MAP4: variants seen among roughly 807,000 people sequenced by gnomAD.
The protein encoded by MAP4 is microtubule-associated protein 4.
Under a neutral mutation model 170.2 loss-of-function variants are expected in MAP4, and 76 were observed. That is an observed-to-expected ratio of 0.45 (90% CI 0.37 to 0.54). The LOEUF is 0.54. MAP4 is among the 20% of genes least tolerant of loss of function. The pLI, the probability that MAP4 is intolerant of heterozygous loss-of-function variation, is 0.00. For missense variants in MAP4, 2,506 were observed against 2,748.0 expected, an observed-to-expected ratio of 0.91 and a Z score of 1.97; for synonymous variants, 909 against 994.5, an observed-to-expected ratio of 0.91 and a Z score of 1.62.
chr3:47,992,061 T>A (rs1290203850), intron 2 of MAP4, among the ~76,000 whole-genome samples: 2 of 152,122 alleles, frequency 1.3e-5, no homozygotes, highest in Non-Finnish European at 2.9e-5. Context: ...TAAAGTTAGA[T>A]GTATAATAAA....
chr3:47,964,975 GA>G (rs1226448149), intron 3 of MAP4, among the ~76,000 whole-genome samples: 1 of 152,096 alleles, frequency 6.6e-6, no homozygotes, highest in African/African-American at 2.4e-5. Flanking sequence ...TTGCAAATCA[GA>G]AACTTTGTAC....
chr3:47,878,994 G>C (rs1167114343), intron 10 of MAP4, among the ~76,000 whole-genome samples: 1 of 152,188 alleles, frequency 6.6e-6, no homozygotes. Context: ...TACAAGGACA[G>C]ATAAATTCTA....
chr3:48,007,465 C>T (rs529564945), intron 1 of MAP4, among the ~76,000 whole-genome samples: 51 of 152,280 alleles, frequency 3.3e-4, no homozygotes, highest in African/African-American at 1.2e-3. Flanking sequence ...GGGTCCAGAA[C>T]AGGAGAAGGC....
chr3:47,913,957 C>T (rs2100037252), intron 8 of MAP4, among the ~76,000 whole-genome samples: 3 of 151,760 alleles, frequency 2.0e-5, no homozygotes, highest in African/African-American at 4.8e-5. Context: ...TAGAGCAGTA[C>T]CTCTCAAAGT....
rs1339932223 is a variant in MAP4, at chr3:47,851,825, C to T, written c.*1109G>A. On this transcript the variant is annotated 3_prime_UTR_variant, in exon 21 of 21. Coordinates refer to ENST00000683076, the MANE Select transcript of MAP4 (RefSeq NM_001385682.1). ...ACTATCTGCATGAGGCTCCCTTGGA[C>T]ATGAGGGCTTACATGTCCTAGGGTG... The T allele has an allele frequency of 6.6e-6, 1 of 152,200 alleles. No individual in the cohort carries two copies. Among genetic ancestry groups the T allele is most frequent in the Non-Finnish European group, 1.5e-5 (1 of 68,052 alleles). 9.4% of individuals were successfully genotyped at this position (152,200 alleles called of 1,614,324 possible). A position where few individuals can be genotyped will look rare whatever the true frequency, so the allele number is the denominator to read the frequency against.
intron 3 of MAP4, among the ~76,000 whole-genome samples, chr3:47,972,266 C>G (rs1029838936): frequency 1.3e-5 from 2 of 152,202 alleles, no homozygotes; most frequent in African/African-American, 4.8e-5. Flanking sequence ...CCAGATACTG[C>G]ATACTGGGTT....
At chr3:47,885,109 C>T (rs1478041001) in intron 10 of MAP4, among the ~76,000 whole-genome samples, 1 of 152,070 alleles carries the variant, frequency 6.6e-6, no homozygotes, top group Non-Finnish European at 1.5e-5. Flanking sequence ...GTTTTTTTGG[C>T]AATAGAGAAC....
intron 17 of MAP4, among the ~76,000 whole-genome samples, chr3:47,859,810 T>G (rs1281238295): frequency 1.3e-5 from 2 of 152,240 alleles, no homozygotes; most frequent in Non-Finnish European, 2.9e-5. Context: ...CAATCTATAG[T>G]TCATTATACA....
At chr3:47,891,717 T>A in intron 10 of MAP4, 1 of 1,536,680 alleles carries the variant, frequency 6.5e-7, no homozygotes, top group Non-Finnish European at 8.7e-7. Flanking sequence ...TGTTCCTGGG[T>A]GAACACCATA....
chr3:47,950,782 G>C (rs2100063212), intron 3 of MAP4, among the ~76,000 whole-genome samples: 2 of 152,060 alleles, frequency 1.3e-5, no homozygotes, highest in African/African-American at 4.8e-5. Context: ...CTTTCATAGG[G>C]GTAGCAGGGG....
At chr3:48,023,375 A>G (rs1389369342) in intron 1 of MAP4, among the ~76,000 whole-genome samples, 1 of 152,236 alleles carries the variant, frequency 6.6e-6, no homozygotes, top group Non-Finnish European at 1.5e-5. Flanking sequence ...TTACATACAA[A>G]TGAACATGTA....
At chr3:47,980,235 T>C (rs1385640914) in intron 2 of MAP4, among the ~76,000 whole-genome samples, 4 of 152,168 alleles carry the variant, frequency 2.6e-5, no homozygotes, top group African/African-American at 4.8e-5. Context: ...TAAGACTATA[T>C]AGATCAATTT....
chr3:47,881,239 A>T (rs577499398), intron 10 of MAP4, among the ~76,000 whole-genome samples: 54 of 151,326 alleles, frequency 3.6e-4, no homozygotes, highest in African/African-American at 1.3e-3. Flanking sequence ...ACTTGAGGCC[A>T]GCAGTTTGAG....
intron 1 of MAP4, among the ~76,000 whole-genome samples, chr3:48,010,909 C>T (rs769180120): frequency 1.8e-4 from 27 of 152,142 alleles, no homozygotes; most frequent in Non-Finnish European, 3.1e-4. Context: ...CTCGGATTGG[C>T]TCTCCTTGCT....
At chr3:47,918,884 A>T (rs1375357071) in intron 5 of MAP4, 43 bp from the exon 6 acceptor site, 1 of 1,528,964 alleles carries the variant, frequency 6.5e-7, no homozygotes, top group Admixed American at 1.8e-5. Context: ...AACTTAGTAA[A>T]CATTGGAAAC....
chr3:47,852,706 A>G lies in MAP4; in HGVS notation c.*228T>C. ...TGGGGAGTGAGAGGAGGTGTGGGGC[A>G]GGGCTGCTGCTGCCCCGGGCACGCA... is the stretch of plus-strand genomic sequence containing the variant. On this transcript the variant is annotated 3_prime_UTR_variant, in exon 21 of 21. Coordinates refer to ENST00000683076, the MANE Select transcript of MAP4 (RefSeq NM_001385682.1). 6.7e-7 allele frequency: 1 copy of G among 1,489,046 alleles called. No individual in the cohort carries two copies. The highest frequency in any genetic ancestry group is 8.9e-7 in the Non-Finnish European group (1 of 1,117,706). 92.2% of individuals were successfully genotyped at this position (1,489,046 alleles called of 1,614,324 possible).
intron 1 of MAP4, among the ~76,000 whole-genome samples, chr3:48,006,687 G>A (rs1000862002): frequency 3.3e-5 from 5 of 152,210 alleles, no homozygotes; most frequent in Non-Finnish European, 5.9e-5. Flanking sequence ...GGTATGCAGA[G>A]ATCAGTGCCA....
At chr3:47,888,490 AAC>A (rs2098028329) in intron 10 of MAP4, among the ~76,000 whole-genome samples, 1 of 152,090 alleles carries the variant, frequency 6.6e-6, no homozygotes, top group South Asian at 2.1e-4. Flanking sequence ...TAAGAGCTGT[AAC>A]ACTCACTGCC....
chr3:47,941,777 A>G (rs1578036492), intron 3 of MAP4, among the ~76,000 whole-genome samples: 1 of 140,792 alleles, frequency 7.1e-6, no homozygotes, highest in African/African-American at 2.7e-5. Context: ...ACAGGGCAAG[A>G]CTCCGTCTCA....
Sources: allele counts gnomAD v4.1 joint callset (sites outside exome capture counted in the v4.1 genomes callset), GRCh38; gene constraint gnomAD v4.1.1; transcripts MANE v1.5; gene names NCBI Gene and HGNC (gene_info 2026-07-23, HGNC 2026-07-21).